The following FBXO44 variants were observed in gnomAD, a reference collection of about 807,000 sequenced individuals.
FBXO44 encodes the protein F-box protein 44, also known as F-box only protein 44.
FBXO44 carries 25 observed loss-of-function variants against 33.5 expected under a neutral mutation model. That is an observed-to-expected ratio of 0.75 (90% CI 0.54 to 1.04). The LOEUF (loss-of-function observed/expected upper bound fraction) is 1.04. FBXO44 is among the 50% of genes least tolerant of loss of function. The pLI is 0.00. For missense variants in FBXO44, 311 were observed against 344.0 expected, an observed-to-expected ratio of 0.90 and a Z score of 0.76; for synonymous variants, 147 against 152.8, an observed-to-expected ratio of 0.96 and a Z score of 0.28.
At chr1:11,657,648 G>A (rs1639895448) in intron 2 of FBXO44, among the ~76,000 whole-genome samples, 1 of 152,210 alleles carries the variant, frequency 6.6e-6, no homozygotes, top group South Asian at 2.1e-4. Flanking sequence ...GGCTGAAGCA[G>A]GAGAATCACT....
chr1:11,658,267 A>T lies in FBXO44; in HGVS notation c.266A>T (p.Glu89Val). ...RNLLHNPCAEEGFEFWSLDVN... is the reference protein window; with the variant it reads ...RNLLHNPCAEVGFEFWSLDVN... ...AGTGTGAACTCTGCTTTTCCATCAG[A>T]GGGGTTCGAGTTCTGGAGCCTGGAT... Residue 89 changes from glutamate (E) to valine (V), a missense_variant and splice_region_variant, in exon 3 of 6, where the codon GAG (glutamate) becomes GTG (valine). Physicochemically the swap from Glu to Val is moderately radical, Grantham distance 121. Coordinates refer to ENST00000251547, the MANE Select transcript of FBXO44 (RefSeq NM_033182.7). 6.2e-7 allele frequency: 1 copy of T among 1,613,572 alleles called. No individual in the cohort carries two copies. The highest frequency in any genetic ancestry group is 8.5e-7 in the Non-Finnish European group (1 of 1,179,874).
chr1:11,656,097 G>A lies in FBXO44; in HGVS notation c.262G>A (p.Glu88Lys). The change falls in exon 2 of 6, where the codon GAA becomes AAA. Residue 88 changes from glutamate to lysine, a missense_variant. By Grantham distance (56) the Glu-to-Lys change is moderately conservative. Coordinates refer to ENST00000251547, the MANE Select transcript of FBXO44 (RefSeq NM_033182.7). Reference sequence around the variant, plus strand: ...GAACCTCCTGCACAACCCGTGCGCTGAAGGTGGGGTACAGGCCGGGTCTGG... The same window carrying A: ...GAACCTCCTGCACAACCCGTGCGCTAAAGGTGGGGTACAGGCCGGGTCTGG... Reference protein sequence around the residue: ...HRNLLHNPCAEEGFEFWSLDV... With the variant: ...HRNLLHNPCAKEGFEFWSLDV... The A allele has an allele frequency of 6.2e-7, 1 of 1,613,484 alleles. No homozygotes were observed. Among genetic ancestry groups the A allele is most frequent in the Non-Finnish European group, 8.5e-7 (1 of 1,179,508 alleles).
chr1:11,660,728 C>G (rs1322090870), intron 5 of FBXO44, among the ~76,000 whole-genome samples: 6 of 152,186 alleles, frequency 3.9e-5, no homozygotes, highest in Admixed American at 1.3e-4. Flanking sequence ...CCCCTGCCCC[C>G]CTCAGGCAGT....
At chr1:11,659,362 G>C (rs925436957) in intron 5 of FBXO44, among the ~76,000 whole-genome samples, 9 of 151,726 alleles carry the variant, frequency 5.9e-5, no homozygotes, top group African/African-American at 1.9e-4. Flanking sequence ...TGGGCAACAA[G>C]AGCGAAACTC....
At chr1:11,654,715 G>T, upstream of FBXO44, 1 of 214,408 alleles carries the variant, frequency 4.7e-6, no homozygotes, top group Non-Finnish European at 9.2e-6. Flanking sequence ...GGTGAGGGGC[G>T]GGTGGCCCAG....
rs764369863 is a variant in FBXO44, at chr1:11,661,155, C to G, written c.650C>G (p.Pro217Arg). ...REVSHTFSNYPPGVRYIWFQH... is the reference protein window; with the variant it reads ...REVSHTFSNYRPGVRYIWFQH... ...GTCTCCCACACATTCTCCAACTACCCGCCCGGCGTCCGCTACATCTGGTTT... is the reference window on the plus strand; with the variant it reads ...GTCTCCCACACATTCTCCAACTACCGGCCCGGCGTCCGCTACATCTGGTTT... The change falls in exon 6 of 6, where the codon CCG becomes CGG. Residue 217 changes from proline (P) to arginine (R), a missense_variant. Coordinates refer to ENST00000251547, the MANE Select transcript of FBXO44 (RefSeq NM_033182.7). This position sits in a 1 kb window ranked among gnomAD's most constrained non-coding sequence, Gnocchi z 4.4. The G allele has an allele frequency of 1.3e-5, 21 of 1,613,638 alleles. No homozygotes were observed. Among genetic ancestry groups the G allele is most frequent in the Non-Finnish European group, 1.7e-5 (20 of 1,179,626 alleles).
rs1260693996 is a variant in FBXO44 at position 11,662,668 on chromosome 1, T to G, written c.*1395T>G. ...AAGCCGAAGCATTTAGAATGGTGCC[T>G]GGCACACAGTTGGTGCGTGATATGG... On this transcript the variant is annotated 3_prime_UTR_variant, in exon 6 of 6. Coordinates refer to ENST00000251547, the MANE Select transcript of FBXO44 (RefSeq NM_033182.7). The G allele has an allele frequency of 6.6e-6, 1 of 152,278 alleles. No individual in the cohort carries two copies. The highest frequency in any genetic ancestry group is 1.5e-5 in the Non-Finnish European group (1 of 68,084). The allele number at this position is 152,278 out of a possible 1,614,324, so 9.4% of individuals were successfully genotyped here.
intron 1 of FBXO44, chr1:11,655,266 TG>T (rs1639700776): frequency 5.1e-5 from 1 of 19,730 alleles, no homozygotes. Context: ...GGGGTGGGAG[TG>T]GGGGTGGGGA....
chr1:11,661,596 A>G lies in FBXO44; in HGVS notation c.*323A>G, dbSNP rs1449645080. ...AAGTCGAGCTTGGAGGCCAGCCTGGATCTGTCTCTCCCTTCCCCTCCTGGG... is the reference window on the plus strand; with the variant it reads ...AAGTCGAGCTTGGAGGCCAGCCTGGGTCTGTCTCTCCCTTCCCCTCCTGGG... On this transcript the variant is annotated 3_prime_UTR_variant, in exon 6 of 6. Transcript: ENST00000251547. The surrounding 1 kb of genome is among the most constrained non-coding windows in gnomAD (Gnocchi z 4.4). 2.6e-6 allele frequency: 1 copy of G among 384,340 alleles called. No homozygotes were observed. Among genetic ancestry groups the G allele is most frequent in the Non-Finnish European group, 4.7e-6 (1 of 211,886 alleles). 23.8% of individuals were successfully genotyped at this position (384,340 alleles called of 1,614,324 possible). A position where few individuals can be genotyped will look rare whatever the true frequency, so the allele number is the denominator to read the frequency against.
chr1:11,656,897 T>A (rs989727364), intron 2 of FBXO44, among the ~76,000 whole-genome samples: 7 of 152,170 alleles, frequency 4.6e-5, no homozygotes, highest in Admixed American at 1.3e-4. Context: ...GTTTCTAGGC[T>A]CCAGGGTTGG....
At chr1:11,660,682 T>A (rs1362622244) in intron 5 of FBXO44, among the ~76,000 whole-genome samples, 2 of 152,168 alleles carry the variant, frequency 1.3e-5, no homozygotes, top group African/African-American at 4.8e-5. Flanking sequence ...TCCACTGATT[T>A]CTAGCTGGCA....
intron 1 of FBXO44, 73 bp from the exon 2 acceptor site, chr1:11,655,733 T>C (rs751090409): frequency 6.7e-7 from 1 of 1,485,456 alleles, no homozygotes; most frequent in East Asian, 2.3e-5. Context: ...GGAAACAGGC[T>C]GGGAGAGGCA....
rs1178565289 is a variant in FBXO44 at position 11,656,074 on chromosome 1, A to G, written c.239A>G (p.Asn80Ser). 6.2e-7 allele frequency: 1 copy of G among 1,613,644 alleles called. No individual in the cohort carries two copies. Among genetic ancestry groups the G allele is most frequent in the African/African-American group, 1.3e-5 (1 of 74,796 alleles). The change falls in exon 2 of 6, where the codon AAC becomes AGC. Residue 80 changes from asparagine to serine, a missense_variant. Transcript: ENST00000251547. Reference sequence around the variant, plus strand: ...TACTTCTTACGGAGCCTGCACAGGAACCTCCTGCACAACCCGTGCGCTGAA... The same window carrying G: ...TACTTCTTACGGAGCCTGCACAGGAGCCTCCTGCACAACCCGTGCGCTGAA... Reference protein sequence around the residue: ...IFYFLRSLHRNLLHNPCAEEG... With the variant: ...IFYFLRSLHRSLLHNPCAEEG...
In FBXO44 at chr1:11,658,286, C is replaced by G; in HGVS notation, c.285C>G (p.Ser95Arg). The change falls in exon 3 of 6, where the codon AGC (serine) becomes AGG (arginine). Residue 95 changes from serine to arginine, a missense_variant. Transcript: ENST00000251547. ...PCAEEGFEFW[S>R]LDVNGGDEWK... ...CATCAGAGGGGTTCGAGTTCTGGAGCCTGGATGTGAATGGAGGCGATGAGT... is the reference window on the plus strand; with the variant it reads ...CATCAGAGGGGTTCGAGTTCTGGAGGCTGGATGTGAATGGAGGCGATGAGT... The G allele has an allele frequency of 6.2e-6, 10 of 1,613,708 alleles. No individual in the cohort carries two copies. Among genetic ancestry groups the G allele is most frequent in the Non-Finnish European group, 8.5e-6 (10 of 1,179,908 alleles).
At position 11,658,276 on chromosome 1, in the gene FBXO44, A is replaced by T. The variant is rs1428054590; in HGVS notation, c.275A>T (p.Glu92Val). The change falls in exon 3 of 6, where the codon GAG (glutamate) becomes GTG (valine). Residue 92 changes from glutamate (E) to valine (V), a missense_variant. By Grantham distance (121) the Glu-to-Val change is moderately radical (BLOSUM62 -2). Coordinates refer to ENST00000251547, the MANE Select transcript of FBXO44 (RefSeq NM_033182.7). ...TCTGCTTTTCCATCAGAGGGGTTCG[A>T]GTTCTGGAGCCTGGATGTGAATGGA... ...LHNPCAEEGF[E>V]FWSLDVNGGD... The T allele has an allele frequency of 1.2e-6, 2 of 1,613,590 alleles. No individual in the cohort carries two copies. Among genetic ancestry groups the T allele is most frequent in the Non-Finnish European group, 1.7e-6 (2 of 1,179,922 alleles).
Position 11,658,874 on chromosome 1 carries a change from G to A in FBXO44, c.624+3G>A, listed in dbSNP as rs774181465. The A allele has an allele frequency of 1.6e-5, 25 of 1,605,222 alleles. 2 individuals are homozygous for A. The South Asian group carries it at 2.5e-4, about 16-fold the overall frequency. ...AGAGCGATGCCAAGTGGAGGGAGGT[G>A]CGTGGGCCTGGGGGACGGGGGCAGA... is the stretch of plus-strand genomic sequence containing the variant. On this transcript the variant is annotated splice_donor_region_variant and intron_variant, in intron 5 of 5. Coordinates refer to ENST00000251547, the MANE Select transcript of FBXO44 (RefSeq NM_033182.7).
At chr1:11,657,500 G>C (rs538272987) in intron 2 of FBXO44, among the ~76,000 whole-genome samples, 40 of 152,328 alleles carry the variant, frequency 2.6e-4, no homozygotes, top group Non-Finnish European at 3.8e-4. Context: ...AGCACTTTGG[G>C]AGGCCAAGGT....
At chr1:11,654,726 G>A, upstream of FBXO44, 1 of 206,436 alleles carries the variant, frequency 4.8e-6, no homozygotes, top group Non-Finnish European at 9.6e-6. Flanking sequence ...GGTGGCCCAG[G>A]CGGAGTCGGA....
In FBXO44 at chr1:11,658,247, G is replaced by C; in HGVS notation, c.266-20G>C. On this transcript the variant is annotated intron_variant, in intron 2 of 5. Transcript: ENST00000251547. ...CCACTGAGGGGCTTCCCTTCAGTGT[G>C]AACTCTGCTTTTCCATCAGAGGGGT... The C allele has an allele frequency of 6.2e-7, 1 of 1,613,404 alleles. No individual in the cohort carries two copies. The highest frequency in any genetic ancestry group is 8.5e-7 in the Non-Finnish European group (1 of 1,179,890).
Sources: gnomAD v4.1 joint callset for allele counts (sites outside exome capture counted in the v4.1 genomes callset) on GRCh38, gnomAD v4.1.1 for gene constraint, Gnocchi (gnomAD v3.1) non-coding constraint, MANE v1.5 for transcripts, NCBI Gene and HGNC (gene_info 2026-07-23, HGNC 2026-07-21) for gene names.